DMD: variants seen among roughly 807,000 people sequenced by gnomAD.
DMD encodes dystrophin.
Under a neutral mutation model 330.1 loss-of-function variants are expected in DMD, and 63 were observed. The observed-to-expected ratio is 0.19, with a 90% CI of 0.16 to 0.24. The LOEUF is 0.24. Among genes scored for constraint, DMD ranks in the 10% least tolerant of loss-of-function variants. DMD has a pLI of 1.00. For synonymous variants in DMD, 1,223 were observed against 959.8 expected (o/e 1.27, Z -5.07); for missense variants, 3,344 against 2,684.1 (o/e 1.25, Z -5.43).
intron 1 of DMD, among the ~76,000 whole-genome samples, chrX:33,172,444 T>C (rs948055767): frequency 4.5e-5 from 5 of 111,666 alleles, no homozygotes; most frequent in African/African-American, 1.6e-4. Context: ...TGGAATGAAG[T>C]TAAGTGACCA....
chrX:31,294,349 G>A (rs1489011601), intron 62 of DMD, among the ~76,000 whole-genome samples: 1 of 111,932 alleles, frequency 8.9e-6, no homozygotes, highest in East Asian at 2.8e-4. Context: ...AGGTGAAAGT[G>A]TTCGATAAAG....
In DMD at chrX:32,836,958, CGT is replaced by C. The variant is rs777537122; in HGVS notation, c.264+7823_264+7824del. 1.9e-3 allele frequency among the ~76,000 whole-genome samples: 214 copies of C among 111,517 alleles called. 1 individual carries two copies. The highest frequency in any genetic ancestry group is 6.8e-3 in the African/African-American group (207 of 30,666). On this transcript the variant is annotated intron_variant, in intron 4 of 78. Transcript: ENST00000357033. The stretch of plus-strand genomic sequence containing the variant: ...AGCAGATATCCGAAGTGACTCTCAG[CGT>C]GTCTTTCTTTTCTGGCTCTGGTTGT...
In DMD at chrX:31,253,222, C is replaced by G. The variant is rs1337774151; in HGVS notation, c.9286+7733G>C. 9.8e-5 allele frequency among the ~76,000 whole-genome samples: 11 copies of G among 111,960 alleles called. No individual in the cohort carries two copies. The Admixed American group carries it at 1.0e-3, about 11-fold the overall frequency. On this transcript the variant is annotated intron_variant, in intron 63 of 78. Coordinates refer to ENST00000357033, the MANE Select transcript of DMD (RefSeq NM_004006.3). ...AGCAAGGGACTTGCCCGAGGTCACA[C>G]CAAAGCTGGCATCTGAATCTAGCTA...
chrX:32,726,116 A>G (rs2066851739), intron 7 of DMD, among the ~76,000 whole-genome samples: 1 of 111,558 alleles, frequency 9.0e-6, no homozygotes, highest in African/African-American at 3.2e-5. Flanking sequence ...CAGCTGAAGA[A>G]TCTACGCAAT....
intron 7 of DMD, among the ~76,000 whole-genome samples, chrX:32,713,297 T>G (rs1386663501): frequency 1.8e-5 from 2 of 111,896 alleles, no homozygotes; most frequent in African/African-American, 6.5e-5. Context: ...GCTTATTCTC[T>G]AAGTGGCTGA....
chrX:32,495,448 T>C (rs2148658201), intron 19 of DMD, among the ~76,000 whole-genome samples: 2 of 111,973 alleles, frequency 1.8e-5, no homozygotes, highest in African/African-American at 6.5e-5. Context: ...CAAATTTGCT[T>C]TAAAATACTT....
intron 47 of DMD, among the ~76,000 whole-genome samples, chrX:31,927,562 C>T (rs192734601): frequency 7.2e-5 from 8 of 111,378 alleles, no homozygotes; most frequent in Non-Finnish European, 1.5e-4. Context: ...ATTGCTGGGA[C>T]ACCACCTTCC....
At chrX:32,136,141 T>C (rs1489378930) in intron 44 of DMD, among the ~76,000 whole-genome samples, 1 of 112,730 alleles carries the variant, frequency 8.9e-6, no homozygotes, top group African/African-American at 3.2e-5. Context: ...GCTAAAATCA[T>C]AGTTTTAATT....
chrX:32,080,833 A>C (rs1201310620), intron 44 of DMD, among the ~76,000 whole-genome samples: 1 of 111,922 alleles, frequency 8.9e-6, no homozygotes, highest in Non-Finnish European at 1.9e-5. Context: ...ATGACTGATT[A>C]ATGCAGGAGT....
chrX:32,650,444 G>C (rs1041044891), intron 9 of DMD, among the ~76,000 whole-genome samples: 1 of 111,546 alleles, frequency 9.0e-6, no homozygotes, highest in African/African-American at 3.3e-5. Context: ...CTCAGTAAAA[G>C]ATTATTTCCA....
rs1455618281 is a variant in DMD, at chrX:32,389,678, T to A, written c.4345-4A>T. 1 of 1,208,949 alleles carries A rather than the reference T, an allele frequency of 8.3e-7. No homozygotes were observed. The highest frequency in any genetic ancestry group is 1.8e-5 in the South Asian group (1 of 56,967). ...TGGAGACATCTTGTAATTTTTTCTG[T>A]AAGGACAGTGTAAAAAGGCACTGAT... On this transcript the variant is annotated splice_region_variant and splice_polypyrimidine_tract_variant and intron_variant, in intron 31 of 78. Transcript: ENST00000357033.
intron 44 of DMD, among the ~76,000 whole-genome samples, chrX:32,007,920 A>G (rs922553905): frequency 4.5e-5 from 5 of 112,095 alleles, no homozygotes; most frequent in Non-Finnish European, 9.4e-5. Context: ...TAGAAAATTA[A>G]GACTACTGAA....
chrX:32,659,248 C>A (rs890676681), intron 9 of DMD, among the ~76,000 whole-genome samples: 1 of 111,873 alleles, frequency 8.9e-6, no homozygotes, highest in Non-Finnish European at 1.9e-5. Context: ...TGGTTTATCC[C>A]GTTACCTTTC....
chrX:32,671,613 T>C (rs1031958479), intron 9 of DMD, among the ~76,000 whole-genome samples: 6 of 112,094 alleles, frequency 5.4e-5, no homozygotes, highest in African/African-American at 1.9e-4. Context: ...TAAAAGTCAA[T>C]AAAACTTATT....
intron 2 of DMD, among the ~76,000 whole-genome samples, chrX:32,869,135 A>C (rs1360626979): frequency 6.3e-5 from 7 of 111,082 alleles, no homozygotes; most frequent in African/African-American, 2.3e-4. Flanking sequence ...GTCTGGAGCG[A>C]ACCCCCAACA....
intron 55 of DMD, among the ~76,000 whole-genome samples, chrX:31,621,596 T>C (rs762452469): frequency 1.8e-5 from 2 of 112,007 alleles, no homozygotes; most frequent in East Asian, 5.6e-4. Context: ...ATTTTACATA[T>C]ATCTTATCAT....
intron 44 of DMD, among the ~76,000 whole-genome samples, chrX:32,164,325 G>A (rs1208348870): frequency 8.9e-6 from 1 of 111,926 alleles, no homozygotes; most frequent in African/African-American, 3.2e-5. Context: ...CTAGAGACTT[G>A]TTGAATGGTT....
intron 62 of DMD, 146 bp from the exon 63 acceptor site, chrX:31,261,162 T>C: frequency 2.0e-6 from 1 of 488,634 alleles, no homozygotes; most frequent in South Asian, 3.1e-5. Flanking sequence ...CATAGTGTAT[T>C]GAAGAAATGT....
At chrX:32,457,032 T>A (rs937969533) in intron 25 of DMD, among the ~76,000 whole-genome samples, 3 of 104,263 alleles carry the variant, frequency 2.9e-5, no homozygotes, top group Admixed American at 1.0e-4. Flanking sequence ...GCTTGATAAG[T>A]TGACCCGGAG....
Sources: allele counts gnomAD v4.1 joint callset (sites outside exome capture counted in the v4.1 genomes callset), GRCh38; gene constraint gnomAD v4.1.1; transcripts MANE v1.5; gene names NCBI Gene and HGNC (gene_info 2026-07-23, HGNC 2026-07-21).